Variants in HPSE2 observed in about 807,000 individuals in gnomAD.
The protein encoded by HPSE2 is heparanase 2 (inactive).
In HPSE2, 38 loss-of-function variants were observed where a neutral mutation model predicts 60.5. The observed-to-expected ratio is 0.63, with a 90% CI of 0.48 to 0.82. The LOEUF (loss-of-function observed/expected upper bound fraction) is 0.82, where lower values mean the gene tolerates loss of function less well. Ranked by LOEUF, HPSE2 falls within the 40% of genes least tolerant of loss-of-function variation. The pLI, the probability that HPSE2 is intolerant of heterozygous loss-of-function variation, is 0.00. For synonymous variants in HPSE2, 295 were observed against 293.2 expected (o/e 1.01, Z -0.06); for missense variants, 713 against 740.4 (o/e 0.96, Z 0.43).
At chr10:98,562,639 C>G (rs548386811) in intron 9 of HPSE2, among the ~76,000 whole-genome samples, 1 of 150,740 alleles carries the variant, frequency 6.6e-6, no homozygotes, top group Admixed American at 6.6e-5. Context: ...GGCGTGAACC[C>G]GGGAGACAGA....
chr10:99,247,426 G>A, the HPSE2 span, among the ~76,000 whole-genome samples: 6 of 152,114 alleles, frequency 3.9e-5, no homozygotes, highest in Non-Finnish European at 7.4e-5. Context: ...CATGATACCC[G>A]CTACCGCAAA....
chr10:98,564,073 T>C (rs1944269142), intron 9 of HPSE2, among the ~76,000 whole-genome samples: 1 of 152,220 alleles, frequency 6.6e-6, no homozygotes, highest in East Asian at 1.9e-4. Flanking sequence ...CTCCTCCCTT[T>C]AGTGAGAGCT....
chr10:98,591,429 G>C (rs1299853221), intron 9 of HPSE2, among the ~76,000 whole-genome samples: 2 of 152,190 alleles, frequency 1.3e-5, no homozygotes, highest in Non-Finnish European at 2.9e-5. Context: ...TTGGGAGGCT[G>C]ACAGGGGCAG....
chr10:99,257,564 C>A, the HPSE2 span, among the ~76,000 whole-genome samples: 3 of 151,886 alleles, frequency 2.0e-5, no homozygotes, highest in African/African-American at 4.8e-5. Context: ...TTGGTCAGAC[C>A]GGTTGTCTGC....
rs1235913428 is a variant in HPSE2, at chr10:98,458,477, A to T, written c.*1097T>A. 1.3e-5 allele frequency: 2 copies of T among 152,184 alleles called. No homozygotes were observed. The highest frequency in any genetic ancestry group is 4.8e-5 in the African/African-American group (2 of 41,450). 9.4% of individuals were successfully genotyped at this position (152,184 alleles called of 1,614,324 possible). On this transcript the variant is annotated 3_prime_UTR_variant, in exon 12 of 12. Coordinates refer to ENST00000370552, the MANE Select transcript of HPSE2 (RefSeq NM_021828.5). ...TCTAGATTCCCTATTCTCTCCCAAA[A>T]TGGCTAACAAAGTTTTGTTCTAGCT...
chr10:98,799,328 T>C (rs1332952836), intron 3 of HPSE2, among the ~76,000 whole-genome samples: 3 of 152,104 alleles, frequency 2.0e-5, no homozygotes, highest in African/African-American at 7.2e-5. Context: ...TAGGGCCCAA[T>C]ACATAATAGC....
At chr10:99,104,967 C>T (rs1412741274) in intron 3 of HPSE2, among the ~76,000 whole-genome samples, 2 of 150,722 alleles carry the variant, frequency 1.3e-5, no homozygotes, top group South Asian at 2.1e-4. Flanking sequence ...ACGTAAATGA[C>T]GAGTTAATGG....
intron 4 of HPSE2, among the ~76,000 whole-genome samples, chr10:98,737,516 G>A (rs1949388684): frequency 1.1e-5 from 1 of 92,890 alleles, no homozygotes; most frequent in Non-Finnish European, 2.3e-5. Context: ...CTAGGGGAGG[G>A]AGTTCTCTGA....
chr10:99,118,959 T>C (rs1844827175), intron 3 of HPSE2, among the ~76,000 whole-genome samples: 1 of 149,322 alleles, frequency 6.7e-6, no homozygotes, highest in Non-Finnish European at 1.5e-5. Flanking sequence ...GAGGTTGAAG[T>C]GAGCCAAGAG....
the HPSE2 span, among the ~76,000 whole-genome samples, chr10:99,299,415 A>C: frequency 6.6e-6 from 1 of 152,188 alleles, no homozygotes; most frequent in Non-Finnish European, 1.5e-5. Flanking sequence ...TGCAAGGAAA[A>C]ATTTGGTTGG....
chr10:99,036,203 A>G (rs1221765318), intron 3 of HPSE2, among the ~76,000 whole-genome samples: 4 of 152,184 alleles, frequency 2.6e-5, no homozygotes, highest in Non-Finnish European at 4.4e-5. Context: ...TGACAGGGCA[A>G]GACCCTGACT....
chr10:99,168,147 T>C lies in HPSE2; in HGVS notation c.449-23748A>G, dbSNP rs530340589. Among the ~76,000 whole-genome samples, 169 of 151,282 alleles carry C rather than the reference T, an allele frequency of 1.1e-3. 2 individuals carry two copies. Among genetic ancestry groups the C allele is most frequent in the Non-Finnish European group, 1.9e-3 (130 of 67,818 alleles). Reference sequence around the variant, plus strand: ...ACACACGGCTTTGTAGGAGTTTGAATTGCATTGAATTTATACATTAATTTG... The same window carrying C: ...ACACACGGCTTTGTAGGAGTTTGAACTGCATTGAATTTATACATTAATTTG... On this transcript the variant is annotated intron_variant, in intron 2 of 11. Transcript: ENST00000370552.
chr10:98,881,106 C>T lies in HPSE2; in HGVS notation c.611-137050G>A, dbSNP rs1207946266. ...AGCTTTGTTTGCTTCCAGATCTGGG[C>T]CTTCACCCTCCTTTCTCTATAGTCT... On this transcript the variant is annotated intron_variant, in intron 3 of 11. Transcript: ENST00000370552. Among the ~76,000 whole-genome samples, 3 of 152,016 alleles carry T rather than the reference C, an allele frequency of 2.0e-5. No homozygotes were observed. In the East Asian group the frequency reaches 5.8e-4, roughly 29 times the overall value.
chr10:98,712,299 AG>A (rs1338253852), intron 5 of HPSE2, among the ~76,000 whole-genome samples: 1 of 152,002 alleles, frequency 6.6e-6, no homozygotes, highest in African/African-American at 2.4e-5. Context: ...AACAAGTTTA[AG>A]GTTGAAAAAA....
At chr10:98,576,034 T>C (rs1438746265) in intron 9 of HPSE2, among the ~76,000 whole-genome samples, 1 of 152,184 alleles carries the variant, frequency 6.6e-6, no homozygotes, top group East Asian at 1.9e-4. Flanking sequence ...ATTGATTCTT[T>C]TGTTTCTGAG....
intron 3 of HPSE2, among the ~76,000 whole-genome samples, chr10:98,975,279 A>C (rs939937782): frequency 3.3e-5 from 5 of 152,142 alleles, no homozygotes; most frequent in African/African-American, 1.2e-4. Flanking sequence ...CTACTGTGAG[A>C]GTAAACTAAC....
intron 7 of HPSE2, among the ~76,000 whole-genome samples, chr10:98,635,027 A>G (rs574180854): frequency 6.6e-6 from 1 of 152,302 alleles, no homozygotes; most frequent in East Asian, 1.9e-4. Context: ...ATAACATCTT[A>G]TTACTGTTGC....
At chr10:98,767,066 T>G (rs1241702129) in intron 3 of HPSE2, among the ~76,000 whole-genome samples, 1 of 152,214 alleles carries the variant, frequency 6.6e-6, no homozygotes, top group African/African-American at 2.4e-5. Flanking sequence ...ATTAATTCAT[T>G]ATTTTAAAAA....
At chr10:99,141,960 A>G (rs1197846540) in intron 3 of HPSE2, among the ~76,000 whole-genome samples, 1 of 152,240 alleles carries the variant, frequency 6.6e-6, no homozygotes, top group African/African-American at 2.4e-5. Flanking sequence ...CTATACACCC[A>G]TACACATAAA....
Sources: allele counts gnomAD v4.1 joint callset (sites outside exome capture counted in the v4.1 genomes callset), GRCh38; gene constraint gnomAD v4.1.1; transcripts MANE v1.5; gene names NCBI Gene and HGNC (gene_info 2026-07-23, HGNC 2026-07-21).